CCDC91: variants seen among roughly 807,000 people sequenced by gnomAD.
CCDC91 encodes coiled-coil domain-containing protein 91.
Under a neutral mutation model 63.2 loss-of-function variants are expected in CCDC91, and 48 were observed. The ratio of observed to expected loss-of-function variants is 0.76; its 90% CI spans 0.60 to 0.97. The LOEUF (loss-of-function observed/expected upper bound fraction) is 0.97, where lower values mean the gene tolerates loss of function less well. Among genes scored for constraint, CCDC91 ranks in the 50% least tolerant of loss-of-function variants. The pLI is 0.00. For synonymous variants in CCDC91, 167 were observed against 165.8 expected, an observed-to-expected ratio of 1.01 and a Z score of -0.06; for missense variants, 500 against 494.6, an observed-to-expected ratio of 1.01 and a Z score of -0.10.
intron 6 of CCDC91, among the ~76,000 whole-genome samples, chr12:28,348,208 C>G (rs1326863925): frequency 1.3e-5 from 2 of 152,222 alleles, no homozygotes; most frequent in African/African-American, 4.8e-5. Flanking sequence ...GTGTAGCCCT[C>G]CAGGGCTACC....
chr12:28,336,337 G>T (rs1338533662), intron 6 of CCDC91, among the ~76,000 whole-genome samples: 3 of 151,974 alleles, frequency 2.0e-5, no homozygotes, highest in Admixed American at 2.0e-4. Context: ...TGGAAAATTG[G>T]GACGTATCCG....
At chr12:28,297,680 T>G (rs1321457152) in intron 3 of CCDC91, among the ~76,000 whole-genome samples, 6 of 151,854 alleles carry the variant, frequency 4.0e-5, no homozygotes, top group Non-Finnish European at 7.4e-5. Flanking sequence ...GAAGTAGGTG[T>G]TGTTGGGCAC....
chr12:28,256,906 T>C, intron 1 of CCDC91: 1 of 287,386 alleles, frequency 3.5e-6, no homozygotes, highest in Non-Finnish European at 6.5e-6. Context: ...GGAAGCATTA[T>C]TGAATTGAGC....
intron 11 of CCDC91, among the ~76,000 whole-genome samples, chr12:28,471,061 CTA>C (rs1950790913): frequency 6.6e-6 from 1 of 152,104 alleles, no homozygotes; most frequent in South Asian, 2.1e-4. Flanking sequence ...AATCCTAATA[CTA>C]TGTTACTATC....
intron 12 of CCDC91, among the ~76,000 whole-genome samples, chr12:28,514,461 TTTG>T (rs1939715533): frequency 2.1e-5 from 2 of 96,008 alleles, no homozygotes. Context: ...AGTTTTTTTT[TTTG>T]TTTGTTTTTT....
chr12:28,330,631 G>A (rs1459438146), intron 6 of CCDC91, among the ~76,000 whole-genome samples: 1 of 152,042 alleles, frequency 6.6e-6, no homozygotes, highest in East Asian at 1.9e-4. Context: ...GATCCCATTT[G>A]TCTATTTTGG....
intron 8 of CCDC91, among the ~76,000 whole-genome samples, chr12:28,407,787 A>G (rs1402388077): frequency 2.0e-5 from 3 of 151,912 alleles, no homozygotes; most frequent in African/African-American, 4.8e-5. Context: ...TAAGTTTTCA[A>G]TATTCAGGTT....
At chr12:28,316,020 T>C (rs762499819) in intron 6 of CCDC91, among the ~76,000 whole-genome samples, 3 of 152,008 alleles carry the variant, frequency 2.0e-5, no homozygotes, top group African/African-American at 7.2e-5. Flanking sequence ...TCTTCTATCA[T>C]AAAACATTGC....
intron 6 of CCDC91, among the ~76,000 whole-genome samples, chr12:28,310,197 C>G (rs1939174900): frequency 6.6e-6 from 1 of 152,028 alleles, no homozygotes; most frequent in Non-Finnish European, 1.5e-5. Flanking sequence ...CTTTGTGTTT[C>G]TTTGTCTCCA....
intron 3 of CCDC91, among the ~76,000 whole-genome samples, chr12:28,287,223 T>C (rs1948967887): frequency 6.6e-6 from 1 of 152,214 alleles, no homozygotes; most frequent in South Asian, 2.1e-4. Context: ...TAGATCCCAT[T>C]TGCCAGTTTT....
chr12:28,307,615 A>C, intron 5 of CCDC91, 30 bp from the exon 6 acceptor site: 2 of 1,159,786 alleles, frequency 1.7e-6, no homozygotes, highest in Non-Finnish European at 2.5e-6. Flanking sequence ...ATTAAATATT[A>C]CAAAGCTTGT....
At chr12:28,334,846 A>C (rs1459654027) in intron 6 of CCDC91, among the ~76,000 whole-genome samples, 2 of 151,958 alleles carry the variant, frequency 1.3e-5, no homozygotes, top group African/African-American at 4.8e-5. Context: ...ATATCCAAAT[A>C]GACAAAATTA....
chr12:28,459,825 G>A (rs544199717), intron 11 of CCDC91, among the ~76,000 whole-genome samples: 1 of 152,258 alleles, frequency 6.6e-6, no homozygotes, highest in African/African-American at 2.4e-5. Context: ...TACCATTCAT[G>A]TAGATTCAAA....
At chr12:28,203,132 A>G (rs1382009053) in intron 1 of CCDC91, among the ~76,000 whole-genome samples, 1 of 152,176 alleles carries the variant, frequency 6.6e-6, no homozygotes, top group Non-Finnish European at 1.5e-5. Context: ...TGAGCCTTCT[A>G]GTTTTCAAGG....
Position 28,269,210 on chromosome 12 carries a change from T to A in CCDC91, c.109+9768T>A, listed in dbSNP as rs532666456. ...CCTCCCTCTTTTTAAAGGTTGGGCA[T>A]TTGAGCTTCTTAAACGGTGTCTCTA... On this transcript the variant is annotated intron_variant, in intron 3 of 12. Coordinates refer to ENST00000536442, the MANE Select transcript of CCDC91 (RefSeq NM_018318.5). Among the ~76,000 whole-genome samples, 4 of 152,234 alleles carry A rather than the reference T, an allele frequency of 2.6e-5. No individual in the cohort carries two copies. In the East Asian group the frequency reaches 7.7e-4, roughly 29 times the overall value.
chr12:28,267,905 T>TATTATATATAATTATTATA (rs1482628638), intron 3 of CCDC91, among the ~76,000 whole-genome samples: 9 of 55,726 alleles, frequency 1.6e-4, no homozygotes, highest in African/African-American at 4.2e-4. Flanking sequence ...TATATAATTA[T>TATTATATATAATTATTATA]ATTATATATA....
At chr12:28,530,888 C>T (rs1400364443) in intron 12 of CCDC91, among the ~76,000 whole-genome samples, 1 of 152,044 alleles carries the variant, frequency 6.6e-6, no homozygotes, top group Non-Finnish European at 1.5e-5. Context: ...GGAACTTAAT[C>T]CCCAGTGCAA....
intron 11 of CCDC91, among the ~76,000 whole-genome samples, chr12:28,475,120 A>G (rs1418108853): frequency 6.6e-6 from 1 of 152,134 alleles, no homozygotes; most frequent in East Asian, 1.9e-4. Context: ...ATATATTAAC[A>G]TAAACAAATT....
chr12:28,485,036 C>G (rs952466075), intron 12 of CCDC91, among the ~76,000 whole-genome samples: 5 of 151,612 alleles, frequency 3.3e-5, no homozygotes, highest in Non-Finnish European at 7.4e-5. Flanking sequence ...GACACAATAG[C>G]TAAACTTAAT....
Sources: gnomAD v4.1 joint callset for allele counts (sites outside exome capture counted in the v4.1 genomes callset) on GRCh38, gnomAD v4.1.1 for gene constraint, MANE v1.5 for transcripts, NCBI Gene and HGNC (gene_info 2026-07-23, HGNC 2026-07-21) for gene names.